ZNF346: variants seen among roughly 807,000 people sequenced by gnomAD.
The protein encoded by ZNF346 is zinc finger protein 346.
Under a neutral mutation model 33.7 loss-of-function variants are expected in ZNF346, and 23 were observed. That is an observed-to-expected ratio of 0.68 (90% CI 0.49 to 0.97). The LOEUF (loss-of-function observed/expected upper bound fraction) is 0.97. Ranked by LOEUF, ZNF346 falls within the 50% of genes least tolerant of loss-of-function variation. The probability of loss-of-function intolerance (pLI) is 0.00; values close to 1 mark genes in which losing one functional copy is unlikely to be tolerated. For missense variants in ZNF346, 340 were observed against 371.1 expected, an observed-to-expected ratio of 0.92 and a Z score of 0.69; for synonymous variants, 134 against 142.4, an observed-to-expected ratio of 0.94 and a Z score of 0.42.
chr5:177,042,090 G>C (rs1581854117), intron 3 of ZNF346: 2 of 435,464 alleles, frequency 4.6e-6, no homozygotes, highest in African/African-American at 2.0e-5. Flanking sequence ...ATTGAGGGCA[G>C]ATTTATAAAA....
chr5:177,054,497 C>A (rs1231539659), intron 5 of ZNF346, among the ~76,000 whole-genome samples: 1 of 152,092 alleles, frequency 6.6e-6, no homozygotes, highest in Non-Finnish European at 1.5e-5. Flanking sequence ...CTTCCAGTTT[C>A]AAGCAATTCT....
chr5:177,022,921 G>A lies in ZNF346; in HGVS notation c.175+8G>A, dbSNP rs1020058621. The A allele has an allele frequency of 6.8e-7, 1 of 1,460,902 alleles. No individual in the cohort carries two copies. The highest frequency in any genetic ancestry group is 2.7e-5 in the Admixed American group (1 of 36,994). The allele number at this position is 1,460,902 out of a possible 1,614,324, so 90.5% of individuals were successfully genotyped here. On this transcript the variant is annotated splice_region_variant and intron_variant, in intron 1 of 6. Coordinates refer to ENST00000358149, the MANE Select transcript of ZNF346 (RefSeq NM_012279.4). ...CGGTGGGTAGAGAGGAAGGTGAGTCGGGGGCTTTGGAGGCAGAAAGCCCCT... is the reference window on the plus strand; with the variant it reads ...CGGTGGGTAGAGAGGAAGGTGAGTCAGGGGCTTTGGAGGCAGAAAGCCCCT...
intron 1 of ZNF346, among the ~76,000 whole-genome samples, chr5:177,031,121 C>T (rs1042365277): frequency 1.2e-4 from 18 of 151,956 alleles, no homozygotes; most frequent in Admixed American, 2.0e-4. Flanking sequence ...CTGCATGCTC[C>T]GCCTCCTGGG....
Position 177,046,300 on chromosome 5 carries a change from C to CAA in ZNF346, c.517+1785_517+1786dup, listed in dbSNP as rs34466141. On this transcript the variant is annotated intron_variant, in intron 4 of 6. Transcript: ENST00000358149. ...TGGGGGACAGAGCAAGACCTCGTCTCAAAAAAAAAAAAAAAAAAACCAATT... is the reference window on the plus strand; with the variant it reads ...TGGGGGACAGAGCAAGACCTCGTCTCAAAAAAAAAAAAAAAAAAAAACCAATT... 2.5e-3 allele frequency among the ~76,000 whole-genome samples: 253 copies of CAA among 102,104 alleles called. 2 individuals carry two copies. The highest frequency in any genetic ancestry group is 8.7e-3 in the African/African-American group (235 of 26,920). 67.0% of individuals were successfully genotyped at this position (102,104 alleles called of 152,430 possible).
chr5:177,042,652 T>C (rs950073536), intron 3 of ZNF346, among the ~76,000 whole-genome samples: 1 of 152,224 alleles, frequency 6.6e-6, no homozygotes, highest in Non-Finnish European at 1.5e-5. Context: ...TGTTTATCTC[T>C]TCTCAAAATT....
At chr5:177,073,163 G>A (rs778757995) in intron 8 of ZNF346, among the ~76,000 whole-genome samples, 1 of 152,204 alleles carries the variant, frequency 6.6e-6, no homozygotes, top group African/African-American at 2.4e-5. Context: ...TGGGTCTTAT[G>A]ATACTGCATC....
At chr5:177,069,123 G>A (rs762171163), downstream of ZNF346, among the ~76,000 whole-genome samples, 1 of 142,612 alleles carries the variant, frequency 7.0e-6, no homozygotes, top group Non-Finnish European at 1.5e-5. Context: ...ATATTAGTTT[G>A]TGGAATTCAC....
rs184698650 is a variant in ZNF346, at chr5:177,044,929, T to A, written c.517+396T>A. ...AGTTGAAAGCTAAATCCTTGTCTTT[T>A]TCACATGCTCAGGTTATGGCCTACT... is the stretch of plus-strand genomic sequence containing the variant. On this transcript the variant is annotated intron_variant, in intron 4 of 6. Transcript: ENST00000358149. Among the ~76,000 whole-genome samples, 7 of 152,320 alleles carry A rather than the reference T, an allele frequency of 4.6e-5. No homozygotes were observed. The East Asian group carries it at 1.4e-3, about 29-fold the overall frequency.
At chr5:177,024,624 G>A (rs1776508316) in intron 1 of ZNF346, among the ~76,000 whole-genome samples, 1 of 152,206 alleles carries the variant, frequency 6.6e-6, no homozygotes, top group South Asian at 2.1e-4. Context: ...TGGAGTATCA[G>A]AGGAAGATAC....
At chr5:177,033,577 G>T (rs60727311) in intron 1 of ZNF346, among the ~76,000 whole-genome samples, 1 of 152,016 alleles carries the variant, frequency 6.6e-6, no homozygotes, top group African/African-American at 2.4e-5. Context: ...AGGCTGGAGT[G>T]CAGTGGCATG....
chr5:177,057,797 CTTATTTATTTAT>C (rs200388195), intron 5 of ZNF346, among the ~76,000 whole-genome samples: 1,702 of 133,300 alleles, frequency 0.013, 11 homozygotes, highest in South Asian at 0.027. Context: ...CATAGATTTT[CTTATTTATTTAT>C]TTATTTATTT....
At position 177,022,831 on chromosome 5, in the gene ZNF346, G is replaced by A; in HGVS notation, c.93G>A (p.Pro31=). ...CGGAGTTGCTGGAGGGCCAGGAGCC[G>A]GACGGGGTGCGCTTTGACCGCGAGA... is the stretch of plus-strand genomic sequence containing the variant. ...SSSELLEGQE[P]DGVRFDRERA... is the part of the protein sequence containing the mutation. Residue 31 remains proline (P), a synonymous_variant, in exon 1 of 7, where the codon CCG becomes CCA. Coordinates refer to ENST00000358149, the MANE Select transcript of ZNF346 (RefSeq NM_012279.4). 6.5e-7 allele frequency: 1 copy of A among 1,539,456 alleles called. No individual in the cohort carries two copies. The highest frequency in any genetic ancestry group is 1.2e-5 in the South Asian group (1 of 83,336).
chr5:177,023,017 T>C, intron 1 of ZNF346, 104 bp downstream of exon 1: 1 of 1,438,516 alleles, frequency 7.0e-7, no homozygotes, highest in South Asian at 1.4e-5. Context: ...CCTCCTTGCG[T>C]GCTGCGCCCC....
downstream of ZNF346, among the ~76,000 whole-genome samples, chr5:177,069,350 G>A (rs369639637): frequency 5.3e-5 from 8 of 151,688 alleles, no homozygotes; most frequent in Admixed American, 2.6e-4. Context: ...TCAGCTGCTC[G>A]CTGAGGCAGG....
At chr5:177,044,956 A>G (rs1779838485) in intron 4 of ZNF346, among the ~76,000 whole-genome samples, 1 of 152,106 alleles carries the variant, frequency 6.6e-6, no homozygotes, top group Non-Finnish European at 1.5e-5. Context: ...TGGCCTACTC[A>G]CTTTAATCCT....
rs1235066329 is a variant in ZNF346 at position 177,065,188 on chromosome 5, C to T, written c.*589C>T. On this transcript the variant is annotated 3_prime_UTR_variant, in exon 7 of 7. Coordinates refer to ENST00000358149, the MANE Select transcript of ZNF346 (RefSeq NM_012279.4). ...GTGAAGTATCCTCCTGGAGCAGTGA[C>T]ACAATCTTGGCGGAGCATTGCTACC... is the stretch of plus-strand genomic sequence containing the variant. 1 of 153,560 alleles carries T rather than the reference C, an allele frequency of 6.5e-6. No homozygotes were observed. The highest frequency in any genetic ancestry group is 2.4e-5 in the African/African-American group (1 of 41,460). 9.5% of individuals were successfully genotyped at this position (153,560 alleles called of 1,614,324 possible).
At chr5:177,062,840 A>G (rs961637326) in intron 6 of ZNF346, among the ~76,000 whole-genome samples, 2 of 152,196 alleles carry the variant, frequency 1.3e-5, no homozygotes, top group Non-Finnish European at 2.9e-5. Flanking sequence ...TTTTATACAT[A>G]TAGACAACCA....
At chr5:177,043,079 T>C (rs1357617665) in intron 3 of ZNF346, among the ~76,000 whole-genome samples, 1 of 152,198 alleles carries the variant, frequency 6.6e-6, no homozygotes, top group African/African-American at 2.4e-5. Flanking sequence ...CTCAAACCTC[T>C]GATCTCAAGT....
At chr5:177,073,236 A>G (rs1211840739) in intron 8 of ZNF346, among the ~76,000 whole-genome samples, 2 of 152,240 alleles carry the variant, frequency 1.3e-5, no homozygotes, top group East Asian at 1.9e-4. Context: ...GAATACATTA[A>G]TGAATAAATG....
Sources: allele counts gnomAD v4.1 joint callset (sites outside exome capture counted in the v4.1 genomes callset), GRCh38; gene constraint gnomAD v4.1.1; transcripts MANE v1.5; gene names NCBI Gene and HGNC (gene_info 2026-07-23, HGNC 2026-07-21).